IPCEF1: variants seen among roughly 807,000 people sequenced by gnomAD.
The protein encoded by IPCEF1 is interaction protein for cytohesin exchange factors 1.
IPCEF1 carries 31 observed loss-of-function variants against 50.9 expected under a neutral mutation model. The ratio of observed to expected loss-of-function variants is 0.61; its 90% CI spans 0.46 to 0.82. IPCEF1 has a LOEUF of 0.82. Among genes scored for constraint, IPCEF1 ranks in the 40% least tolerant of loss-of-function variants. IPCEF1 has a pLI of 0.00. For missense variants in IPCEF1, 458 were observed against 514.0 expected (o/e 0.89, Z 1.05); for synonymous variants, 181 against 192.0 (o/e 0.94, Z 0.47).
At chr6:154,327,191 C>A (rs1783542801) in intron 1 of IPCEF1, among the ~76,000 whole-genome samples, 1 of 152,042 alleles carries the variant, frequency 6.6e-6, no homozygotes, top group African/African-American at 2.4e-5. Context: ...AAAGTAATTG[C>A]AACAAAAGCA....
intron 10 of IPCEF1, among the ~76,000 whole-genome samples, chr6:154,169,891 T>C (rs1352685225): frequency 6.6e-6 from 1 of 152,204 alleles, no homozygotes; most frequent in Non-Finnish European, 1.5e-5. Context: ...GTAATCTCTC[T>C]TTTTTCTTAA....
intron 2 of IPCEF1, among the ~76,000 whole-genome samples, chr6:154,288,727 T>C (rs991437491): frequency 7.1e-5 from 10 of 141,716 alleles, no homozygotes; most frequent in Non-Finnish European, 1.4e-4. Flanking sequence ...ATGCTTCCTT[T>C]GAATTCCCCA....
chr6:154,232,265 AG>A (rs1779782252), intron 5 of IPCEF1, among the ~76,000 whole-genome samples: 1 of 152,254 alleles, frequency 6.6e-6, no homozygotes, highest in African/African-American at 2.4e-5. Context: ...ACCAAAAGAA[AG>A]AAAAAATGTC....
intron 1 of IPCEF1, among the ~76,000 whole-genome samples, chr6:154,301,489 A>C (rs1782793656): frequency 6.6e-6 from 1 of 152,226 alleles, no homozygotes. Flanking sequence ...GCACTTGTTT[A>C]ATCTGCAGCA....
intron 9 of IPCEF1, among the ~76,000 whole-genome samples, chr6:154,205,638 A>C (rs1214922932): frequency 6.6e-6 from 1 of 152,136 alleles, no homozygotes. Context: ...TTAATTTATT[A>C]TGTATTATTA....
chr6:154,280,232 G>T (rs543628975), intron 2 of IPCEF1, among the ~76,000 whole-genome samples: 127 of 152,282 alleles, frequency 8.3e-4, no homozygotes, highest in African/African-American at 2.9e-3. Context: ...TGCTGAAAAT[G>T]CGTAACAATG....
At chr6:154,245,090 A>G (rs1198502292) in intron 5 of IPCEF1, among the ~76,000 whole-genome samples, 3 of 152,194 alleles carry the variant, frequency 2.0e-5, no homozygotes, top group Non-Finnish European at 4.4e-5. Context: ...CTCTCTTACA[A>G]TAGAAGGCAA....
intron 2 of IPCEF1, among the ~76,000 whole-genome samples, chr6:154,276,165 CAG>C (rs1357833457): frequency 6.8e-6 from 1 of 147,204 alleles, no homozygotes; most frequent in South Asian, 2.1e-4. Context: ...GCCTGGGCAA[CAG>C]AGAGAGATTC....
At chr6:154,165,708 G>A (rs549136548) in intron 11 of IPCEF1, among the ~76,000 whole-genome samples, 18 of 152,308 alleles carry the variant, frequency 1.2e-4, no homozygotes, top group Admixed American at 4.6e-4. Flanking sequence ...CCCTGAAAAT[G>A]AGATGACCCA....
intron 10 of IPCEF1, among the ~76,000 whole-genome samples, chr6:154,170,858 C>A (rs1033566010): frequency 1.3e-5 from 2 of 152,126 alleles, no homozygotes; most frequent in African/African-American, 4.8e-5. Context: ...TAAAACAGAG[C>A]TGCTACTTTT....
chr6:154,260,674 T>C (rs1781575667), intron 3 of IPCEF1, among the ~76,000 whole-genome samples: 1 of 152,160 alleles, frequency 6.6e-6, no homozygotes, highest in African/African-American at 2.4e-5. Flanking sequence ...GGTTTCATCA[T>C]GTTGGCCAGG....
intron 1 of IPCEF1, among the ~76,000 whole-genome samples, chr6:154,314,304 T>G (rs1364026153): frequency 2.6e-5 from 4 of 152,176 alleles, no homozygotes; most frequent in Admixed American, 2.0e-4. Context: ...AAGAATCAAA[T>G]TGGCCACTAT....
At chr6:154,206,381 C>T (rs1053149584) in intron 9 of IPCEF1, among the ~76,000 whole-genome samples, 3 of 152,102 alleles carry the variant, frequency 2.0e-5, no homozygotes, top group African/African-American at 7.2e-5. Flanking sequence ...ATTTGTGGAA[C>T]AAGAAATTTG....
At chr6:154,277,409 T>C (rs916330775) in intron 2 of IPCEF1, among the ~76,000 whole-genome samples, 3 of 152,212 alleles carry the variant, frequency 2.0e-5, no homozygotes, top group Non-Finnish European at 2.9e-5. Context: ...AGAATAGATT[T>C]GCTTTCTCTG....
At chr6:154,277,668 T>C (rs1018895015) in intron 2 of IPCEF1, among the ~76,000 whole-genome samples, 1 of 152,220 alleles carries the variant, frequency 6.6e-6, no homozygotes, top group Non-Finnish European at 1.5e-5. Context: ...TAGACTATCT[T>C]ACGTATAAAT....
intron 9 of IPCEF1, 85 bp downstream of exon 9, chr6:154,212,685 G>A: frequency 1.1e-6 from 1 of 873,284 alleles, no homozygotes; most frequent in Non-Finnish European, 1.8e-6. Context: ...AAAATTTATT[G>A]GTCAAGCTAC....
intron 2 of IPCEF1, among the ~76,000 whole-genome samples, chr6:154,282,027 G>T (rs569907078): frequency 6.6e-6 from 1 of 151,946 alleles, no homozygotes; most frequent in Non-Finnish European, 1.5e-5. Context: ...AAAATATCCT[G>T]GCATGATGGC....
chr6:154,342,053 C>T (rs1288148124), intron 1 of IPCEF1, among the ~76,000 whole-genome samples: 1 of 152,120 alleles, frequency 6.6e-6, no homozygotes, highest in Non-Finnish European at 1.5e-5. Flanking sequence ...GCATGCATTA[C>T]CCAGACTCCC....
chr6:154,248,047 G>A (rs1781199455), intron 3 of IPCEF1, among the ~76,000 whole-genome samples: 1 of 152,160 alleles, frequency 6.6e-6, no homozygotes, highest in African/African-American at 2.4e-5. Context: ...TGAGAGTTCA[G>A]TAGCAATCAA....
Sources: allele counts gnomAD v4.1 joint callset (sites outside exome capture counted in the v4.1 genomes callset), GRCh38; gene constraint gnomAD v4.1.1; transcripts MANE v1.5; gene names NCBI Gene and HGNC (gene_info 2026-07-23, HGNC 2026-07-21).